The following NOM1 variants were observed in gnomAD, a reference collection of about 807,000 sequenced individuals.
The protein encoded by NOM1 is nucleolar protein with MIF4G domain 1.
Under a neutral mutation model 73.3 loss-of-function variants are expected in NOM1, and 58 were observed. The ratio of observed to expected loss-of-function variants is 0.79; its 90% confidence interval spans 0.64 to 0.99. The LOEUF (loss-of-function observed/expected upper bound fraction) is 0.99. Among genes scored for constraint, NOM1 ranks in the 50% least tolerant of loss-of-function variants. NOM1 has a pLI of 0.00. For missense variants in NOM1, 1,226 were observed against 1,131.9 expected, an observed-to-expected ratio of 1.08 and a Z score of -1.19; for synonymous variants, 487 against 446.8, an observed-to-expected ratio of 1.09 and a Z score of -1.14.
rs1312488295 is a variant in NOM1 at position 156,973,140 on chromosome 7, T to C, written c.*3437T>C. ...GGTATAAGGAACAAACTTTAATGTA[T>C]TGAAATGCATAAATAAAATTTATTT... is the stretch of plus-strand genomic sequence containing the variant. On this transcript the variant is annotated 3_prime_UTR_variant, in exon 11 of 11. Coordinates refer to ENST00000275820, the MANE Select transcript of NOM1 (RefSeq NM_138400.2). The C allele has an allele frequency of 6.6e-6, 1 of 152,200 alleles. No homozygotes were observed. The highest frequency in any genetic ancestry group is 1.5e-5 in the Non-Finnish European group (1 of 68,032). 9.4% of individuals were successfully genotyped at this position (152,200 alleles called of 1,614,324 possible).
At chr7:156,964,258 A>C in intron 7 of NOM1, 1 of 261,290 alleles carries the variant, frequency 3.8e-6, no homozygotes, top group Non-Finnish European at 7.2e-6. Flanking sequence ...ATATATAAAG[A>C]TTGGGGGTTT....
At chr7:156,966,634 C>A (rs1805005493) in intron 8 of NOM1, among the ~76,000 whole-genome samples, 3 of 152,204 alleles carry the variant, frequency 2.0e-5, no homozygotes, top group African/African-American at 4.8e-5. Flanking sequence ...GCCACAGATG[C>A]AGGCAGTGTG....
rs1380987015 is a variant in NOM1 at position 156,959,927 on chromosome 7, G to A, written c.1385G>A (p.Cys462Tyr). 1 of 1,614,168 alleles carries A rather than the reference G, an allele frequency of 6.2e-7. No homozygotes were observed. Among genetic ancestry groups the A allele is most frequent in the Non-Finnish European group, 8.5e-7 (1 of 1,179,988 alleles). The change falls in exon 4 of 11, where the codon TGT (cysteine) becomes TAT (tyrosine). Residue 462 changes from cysteine (C) to tyrosine (Y), a missense_variant. Coordinates refer to ENST00000275820, the MANE Select transcript of NOM1 (RefSeq NM_138400.2). ...IYKYGSEGKE[C>Y]DNLFTVIAHL... Reference sequence around the variant, plus strand: ...AAATACGGAAGCGAAGGGAAAGAGTGTGACAACCTGTTCACCGTCATTGCC... The same window carrying A: ...AAATACGGAAGCGAAGGGAAAGAGTATGACAACCTGTTCACCGTCATTGCC...
chr7:156,960,548 A>G (rs1201962229), intron 4 of NOM1, among the ~76,000 whole-genome samples: 1 of 152,090 alleles, frequency 6.6e-6, no homozygotes, highest in Non-Finnish European at 1.5e-5. Context: ...CACAGCTCCC[A>G]CATTGTGTGC....
intron 7 of NOM1, chr7:156,966,022 A>G (rs1804986969): frequency 3.9e-6 from 2 of 517,136 alleles, no homozygotes; most frequent in Non-Finnish European, 6.9e-6. Flanking sequence ...CGACTTTTGC[A>G]GCGACGGGGG....
Position 156,964,034 on chromosome 7 carries a change from T to C in NOM1, c.2033+8T>C. On this transcript the variant is annotated splice_region_variant and intron_variant, in intron 7 of 10. Transcript: ENST00000275820. ...TTTTGAAAAGCTTCTGAAGTAAGCA[T>C]TTGTGTGCACATTTTGACCTATTAA... The C allele has an allele frequency of 6.2e-7, 1 of 1,610,982 alleles. No individual in the cohort carries two copies. The highest frequency in any genetic ancestry group is 1.1e-5 in the South Asian group (1 of 90,828).
chr7:156,968,439 T>C (rs2134800331), intron 9 of NOM1, among the ~76,000 whole-genome samples: 1 of 152,220 alleles, frequency 6.6e-6, no homozygotes, highest in East Asian at 1.9e-4. Context: ...GGTGTTTGGC[T>C]GCGCACCTCC....
At position 156,950,805 on chromosome 7, in the gene NOM1, A is replaced by T. The variant is rs189522375; in HGVS notation, c.987+81A>T. 191 of 1,272,448 alleles carry T rather than the reference A, an allele frequency of 1.5e-4. No individual in the cohort carries two copies. The East Asian group carries it at 3.6e-3, about 24-fold the overall frequency. 78.8% of individuals were successfully genotyped at this position (1,272,448 alleles called of 1,614,324 possible). On this transcript the variant is annotated intron_variant, in intron 1 of 10. Coordinates refer to ENST00000275820, the MANE Select transcript of NOM1 (RefSeq NM_138400.2). ...GGGAATGGGGCGTGAGGCAGAAATG[A>T]CACAGACTTGGTGTCTTGATAATGG...
intron 7 of NOM1, chr7:156,966,043 T>G (rs1804987971): frequency 1.8e-6 from 1 of 554,230 alleles, no homozygotes; most frequent in Non-Finnish European, 3.2e-6. Context: ...ACCCCCTAGA[T>G]GGTCTTGTCT....
At chr7:156,967,795 T>C (rs1022911760) in intron 9 of NOM1, among the ~76,000 whole-genome samples, 13 of 152,142 alleles carry the variant, frequency 8.5e-5, no homozygotes, top group Admixed American at 4.6e-4. Context: ...AGTGCTAATA[T>C]TACAGGTGTG....
chr7:156,960,881 G>A (rs779742179), intron 4 of NOM1, among the ~76,000 whole-genome samples: 5 of 152,272 alleles, frequency 3.3e-5, no homozygotes, highest in Non-Finnish European at 2.9e-5. Flanking sequence ...TGTTGGGATC[G>A]TGGCAGTGGG....
chr7:156,965,909 C>T (rs949299306), intron 7 of NOM1, among the ~76,000 whole-genome samples: 2 of 72,676 alleles, frequency 2.8e-5, no homozygotes, highest in Non-Finnish European at 6.7e-5. Flanking sequence ...GCAAGACTGT[C>T]TCAAAAAAAA....
chr7:156,955,864 C>T (rs1804707573), intron 3 of NOM1, among the ~76,000 whole-genome samples: 1 of 152,070 alleles, frequency 6.6e-6, no homozygotes, highest in Non-Finnish European at 1.5e-5. Context: ...AGAGTCTTAC[C>T]AAGTGGGGCT....
chr7:156,966,414 C>CG lies in NOM1; in HGVS notation c.2166+14dup, dbSNP rs781588480. On this transcript the variant is annotated intron_variant, in intron 8 of 10. Coordinates refer to ENST00000275820, the MANE Select transcript of NOM1 (RefSeq NM_138400.2). ...AAAGGAGATTTCAGGTAGCTTAGTG[C>CG]GGAGGCACCAGTTACGTCCGCTCTA... 1.9e-6 allele frequency: 3 copies of CG among 1,613,810 alleles called. No homozygotes were observed. The South Asian group carries it at 3.3e-5, about 18-fold the overall frequency.
rs767829826 is a variant in NOM1 at position 156,954,100 on chromosome 7, C to T, written c.1113-3C>T. On this transcript the variant is annotated splice_region_variant and splice_polypyrimidine_tract_variant and intron_variant, in intron 2 of 10. Coordinates refer to ENST00000275820, the MANE Select transcript of NOM1 (RefSeq NM_138400.2). ...TGCTCTCTGTCTTTACAATTCTCTG[C>T]AGGTTGAGTGAACCCAACATGGCTT... The T allele has an allele frequency of 6.2e-7, 1 of 1,601,538 alleles. No individual in the cohort carries two copies. The highest frequency in any genetic ancestry group is 8.5e-7 in the Non-Finnish European group (1 of 1,176,316).
chr7:156,960,254 G>A (rs1306751181), intron 4 of NOM1, 80 bp downstream of exon 4: 1 of 1,162,506 alleles, frequency 8.6e-7, no homozygotes, highest in Non-Finnish European at 1.2e-6. Context: ...AGTATCTGGG[G>A]TAAATATTAC....
intron 9 of NOM1, among the ~76,000 whole-genome samples, chr7:156,967,751 CT>C (rs1346961158): frequency 6.6e-6 from 1 of 152,172 alleles, no homozygotes; most frequent in Non-Finnish European, 1.5e-5. Flanking sequence ...TCTGGAACCC[CT>C]GACCTTGTGA....
rs895961670 is a variant in NOM1 at position 156,954,762 on chromosome 7, G to A, written c.1308+464G>A. On this transcript the variant is annotated intron_variant, in intron 3 of 10. Coordinates refer to ENST00000275820, the MANE Select transcript of NOM1 (RefSeq NM_138400.2). Reference sequence around the variant, plus strand: ...GCTCCAGTGATCCTCCTGCTTTGGCGTCCCAATGTGTTGGGATTACAGGCG... The same window carrying A: ...GCTCCAGTGATCCTCCTGCTTTGGCATCCCAATGTGTTGGGATTACAGGCG... 3.0e-4 allele frequency among the ~76,000 whole-genome samples: 45 copies of A among 152,140 alleles called. 1 individual carries two copies. Among genetic ancestry groups the A allele is most frequent in the African/African-American group, 8.2e-4 (34 of 41,512 alleles).
chr7:156,962,220 C>G lies in NOM1; in HGVS notation c.1702C>G (p.Pro568Ala). ...CATGCGCAAAATTCCAGGCTATGAC[C>G]CCGAGCCCGTGGAGAAGCTGAGGAA... ...NDMRKIPGYDPEPVEKLRKLQ... is the reference protein window; with the variant it reads ...NDMRKIPGYDAEPVEKLRKLQ... The change falls in exon 5 of 11, where the codon CCC becomes GCC. Residue 568 changes from proline (P) to alanine (A), a missense_variant. Physicochemically the swap from Pro to Ala is conservative, Grantham distance 27. Coordinates refer to ENST00000275820, the MANE Select transcript of NOM1 (RefSeq NM_138400.2). 3 of 1,614,062 alleles carry G rather than the reference C, an allele frequency of 1.9e-6. No homozygotes were observed. Among genetic ancestry groups the G allele is most frequent in the Non-Finnish European group, 2.5e-6 (3 of 1,180,004 alleles).
Sources: gnomAD v4.1 joint callset for allele counts (sites outside exome capture counted in the v4.1 genomes callset) on GRCh38, gnomAD v4.1.1 for gene constraint, MANE v1.5 for transcripts, NCBI Gene and HGNC (gene_info 2026-07-23, HGNC 2026-07-21) for gene names.